KCNK10: variants seen among roughly 807,000 people sequenced by gnomAD.
KCNK10 encodes potassium two pore domain channel subfamily K member 10.
A neutral mutation model predicts 47.7 loss-of-function variants in KCNK10; 25 were observed. That is an observed-to-expected ratio of 0.52 (90% CI 0.38 to 0.73). The LOEUF (loss-of-function observed/expected upper bound fraction) is 0.73. Among genes scored for constraint, KCNK10 ranks in the 30% least tolerant of loss-of-function variants. KCNK10 has a pLI of 0.00. For missense variants in KCNK10, 563 were observed against 714.5 expected (o/e 0.79, Z 2.42); for synonymous variants, 303 against 285.6 (o/e 1.06, Z -0.61).
At chr14:88,291,383 T>G (rs1887872701) in intron 1 of KCNK10, among the ~76,000 whole-genome samples, 1 of 152,202 alleles carries the variant, frequency 6.6e-6, no homozygotes, top group Admixed American at 6.5e-5. Context: ...CTCTCAAAAC[T>G]GAAGACTGAG....
chr14:88,310,759 G>A (rs1162820840), intron 1 of KCNK10, among the ~76,000 whole-genome samples: 3 of 152,134 alleles, frequency 2.0e-5, no homozygotes, highest in Admixed American at 2.0e-4. Flanking sequence ...AGAGTCAAAG[G>A]AGAAATACCC....
At chr14:88,323,535 G>A (rs1394611219), upstream of KCNK10, 1 of 150,768 alleles carries the variant, frequency 6.6e-6, no homozygotes, top group African/African-American at 2.4e-5. Context: ...CACCCGGCTC[G>A]GGGCAGCGGG....
chr14:88,209,856 A>C (rs1365247674), intron 4 of KCNK10, among the ~76,000 whole-genome samples: 1 of 152,120 alleles, frequency 6.6e-6, no homozygotes, highest in Admixed American at 6.5e-5. Flanking sequence ...TTTACTGAAC[A>C]CCTCCAAAGC....
intron 4 of KCNK10, among the ~76,000 whole-genome samples, chr14:88,212,395 G>A (rs922885219): frequency 3.3e-5 from 5 of 151,322 alleles, no homozygotes; most frequent in Admixed American, 6.6e-5. Flanking sequence ...AGCCAAGATC[G>A]CACCATTGCA....
intron 2 of KCNK10, among the ~76,000 whole-genome samples, chr14:88,259,514 TG>T (rs1887050715): frequency 6.6e-6 from 1 of 152,228 alleles, no homozygotes; most frequent in Admixed American, 6.5e-5. Context: ...TGGAGTACTG[TG>T]GCACAATCAT....
rs182785147 is a variant in KCNK10, at chr14:88,185,152, C to T, written c.*383G>A. On this transcript the variant is annotated 3_prime_UTR_variant, in exon 7 of 7. Coordinates refer to ENST00000319231, the MANE Select transcript of KCNK10 (RefSeq NM_138317.3). The surrounding 1 kb of genome is among the most constrained non-coding windows in gnomAD (Gnocchi z 4.3). The stretch of plus-strand genomic sequence containing the variant: ...CCTTCTGTGTGTGCACATATTACTA[C>T]GACTCCACTAAAAAGACACACCTGT... The T allele has an allele frequency of 4.8e-3, 1,057 of 217,982 alleles. 10 individuals carry two copies. Among genetic ancestry groups the T allele is most frequent in the Admixed American group, 5.5e-3 (105 of 19,074 alleles). 13.5% of individuals were successfully genotyped at this position (217,982 alleles called of 1,614,324 possible).
intron 1 of KCNK10, among the ~76,000 whole-genome samples, chr14:88,301,121 T>C (rs1487884714): frequency 1.3e-5 from 2 of 152,344 alleles, no homozygotes; most frequent in East Asian, 3.9e-4. Flanking sequence ...AGTCTCAGTG[T>C]TCTGAGAATG....
intron 3 of KCNK10, among the ~76,000 whole-genome samples, chr14:88,237,438 A>T (rs1239381889): frequency 6.6e-6 from 1 of 152,234 alleles, no homozygotes; most frequent in Non-Finnish European, 1.5e-5. Context: ...AATGGCATCT[A>T]CAATGATGAC....
At chr14:88,249,741 T>C (rs1056871127) in intron 2 of KCNK10, among the ~76,000 whole-genome samples, 8 of 152,170 alleles carry the variant, frequency 5.3e-5, no homozygotes, top group African/African-American at 1.9e-4. Context: ...AATGAGTTAC[T>C]ACACGTGAAG....
At chr14:88,263,096 A>G in intron 2 of KCNK10, 106 bp downstream of exon 2, 1 of 893,586 alleles carries the variant, frequency 1.1e-6, no homozygotes, top group Non-Finnish European at 1.7e-6. Flanking sequence ...TTCCCTGACC[A>G]CCAAGAGCCT....
intron 5 of KCNK10, among the ~76,000 whole-genome samples, chr14:88,191,339 A>AAACACAC (rs1555359364): frequency 1.5e-5 from 2 of 135,966 alleles, no homozygotes; most frequent in Non-Finnish European, 3.2e-5. Context: ...CTGGTAAAGG[A>AAACACAC]AACACACACA....
Position 88,284,639 on chromosome 14 carries a change from G to A in KCNK10, c.53-21088C>T, listed in dbSNP as rs117929774. Among the ~76,000 whole-genome samples, 24 of 152,300 alleles carry A rather than the reference G, an allele frequency of 1.6e-4. No individual in the cohort carries two copies. The East Asian group carries it at 3.9e-3, about 25-fold the overall frequency. On this transcript the variant is annotated intron_variant, in intron 1 of 6. Transcript: ENST00000319231. ...CACGGGAGAAAGATGAAAGCTGGAA[G>A]ACTCAGCGAGTCTGCTCATTCCACC...
chr14:88,236,959 C>A (rs1295673634), intron 3 of KCNK10, among the ~76,000 whole-genome samples: 1 of 152,158 alleles, frequency 6.6e-6, no homozygotes, highest in African/African-American at 2.4e-5. Flanking sequence ...AATAAGACAA[C>A]AAAGAAGTTG....
intron 4 of KCNK10, among the ~76,000 whole-genome samples, chr14:88,195,890 C>T (rs530093652): frequency 4.6e-5 from 7 of 152,284 alleles, no homozygotes; most frequent in African/African-American, 9.6e-5. Context: ...TGTGTTTCCA[C>T]GGTGGGGTTG....
At chr14:88,259,516 G>A (rs577030314) in intron 2 of KCNK10, among the ~76,000 whole-genome samples, 1 of 152,308 alleles carries the variant, frequency 6.6e-6, no homozygotes, top group South Asian at 2.1e-4. Context: ...GAGTACTGTG[G>A]CACAATCATG....
intron 1 of KCNK10, among the ~76,000 whole-genome samples, chr14:88,295,638 T>C (rs4357868): frequency 0.69 from 104,452 of 151,928 alleles, 36,480 homozygotes; most frequent in South Asian, 0.76. Flanking sequence ...CCAGCATGAG[T>C]GACAGAGCTA....
At chr14:88,254,934 AC>A (rs1886903551) in intron 2 of KCNK10, among the ~76,000 whole-genome samples, 1 of 152,100 alleles carries the variant, frequency 6.6e-6, no homozygotes, top group Admixed American at 6.5e-5. Context: ...CATGCCAGGC[AC>A]TCTGCTAGGT....
At chr14:88,198,111 A>C (rs749431766) in intron 4 of KCNK10, among the ~76,000 whole-genome samples, 5 of 152,204 alleles carry the variant, frequency 3.3e-5, no homozygotes, top group Non-Finnish European at 5.9e-5. Context: ...TAGCTCTGGC[A>C]TGTGGAATAT....
chr14:88,192,486 G>A (rs992067973), intron 4 of KCNK10, 76 bp from the exon 5 acceptor site: 74 of 1,274,740 alleles, frequency 5.8e-5, no homozygotes, highest in Admixed American at 2.4e-4. Context: ...CACAGAAAAC[G>A]GTACTGTGTC....
Sources: gnomAD v4.1 joint callset for allele counts (sites outside exome capture counted in the v4.1 genomes callset) on GRCh38, gnomAD v4.1.1 for gene constraint, Gnocchi (gnomAD v3.1) non-coding constraint, MANE v1.5 for transcripts, NCBI Gene and HGNC (gene_info 2026-07-23, HGNC 2026-07-21) for gene names.